AKAP13: variants seen among roughly 807,000 people sequenced by gnomAD.
The protein encoded by AKAP13 is A-kinase anchoring protein 13, also known as A-kinase anchor protein 13.
A neutral mutation model predicts 264.5 loss-of-function variants in AKAP13; 80 were observed. The ratio of observed to expected loss-of-function variants is 0.30; its 90% CI spans 0.25 to 0.36. The LOEUF (loss-of-function observed/expected upper bound fraction) is 0.36. Among genes scored for constraint, AKAP13 ranks in the 10% least tolerant of loss-of-function variants. AKAP13 has a pLI of 1.00. For synonymous variants in AKAP13, 1,380 were observed against 1,250.2 expected (o/e 1.10, Z -2.19); for missense variants, 3,712 against 3,435.2 (o/e 1.08, Z -2.01).
rs2079131026 is a variant in AKAP13, at chr15:85,580,733, A to G, written c.2665A>G (p.Asn889Asp). 5 of 1,614,194 alleles carry G rather than the reference A, an allele frequency of 3.1e-6. No homozygotes were observed. Among genetic ancestry groups the G allele is most frequent in the Non-Finnish European group, 4.2e-6 (5 of 1,180,024 alleles). The change falls in exon 7 of 37, where the codon AAC becomes GAC. Residue 889 changes from asparagine (N) to aspartate (D), a missense_variant. By Grantham distance (23) the Asn-to-Asp change is conservative (BLOSUM62 1). Around this residue, in one of 3 missense-constraint regions of AKAP13, gnomAD observed 2,759 missense variants for 2,411.7 expected, o/e 1.14. Coordinates refer to ENST00000394518, the MANE Select transcript of AKAP13 (RefSeq NM_007200.5). ...CCCAGAAGCTCTGAATATCAAGGGG[A>G]ACACTGACTCTTCCCTGCAAAGTGT... ...AIPEALNIKG[N>D]TDSSLQSVGK... is the part of the protein sequence containing the mutation.
At chr15:85,535,858 G>A (rs1203725884) in intron 4 of AKAP13, 1 of 148,536 alleles carries the variant, frequency 6.7e-6, no homozygotes, top group East Asian at 2.0e-4. Context: ...GGAGTGCAAT[G>A]GTGCAATCTC....
chr15:85,604,081 T>C (rs976003529), intron 8 of AKAP13, among the ~76,000 whole-genome samples: 10 of 152,178 alleles, frequency 6.6e-5, no homozygotes, highest in Non-Finnish European at 2.9e-5. Context: ...GATATCTAGT[T>C]AGTTGACAGT....
rs542536634 is a variant in AKAP13 at position 85,424,650 on chromosome 15, C to G, written c.-12+43852C>G. Among the ~76,000 whole-genome samples the G allele has an allele frequency of 7.2e-5, 11 of 152,300 alleles. No individual in the cohort carries two copies. The South Asian group carries it at 1.9e-3, about 26-fold the overall frequency. ...TCACTGGAATAACACTTGTAATTTC[C>G]CGCAAGAACTGTTCCTTTGCATTCA... On this transcript the variant is annotated intron_variant, in intron 1 of 36. Transcript: ENST00000394518.
chr15:85,657,710 CTTTTT>C (rs11332236), intron 11 of AKAP13, among the ~76,000 whole-genome samples: 1 of 127,554 alleles, frequency 7.8e-6, no homozygotes, highest in African/African-American at 2.8e-5. Context: ...GTGGTGTACT[CTTTTT>C]TTTTTTTTTT....
chr15:85,650,770 A>AAAC (rs2082778385), intron 10 of AKAP13, among the ~76,000 whole-genome samples: 1 of 139,926 alleles, frequency 7.1e-6, no homozygotes, highest in African/African-American at 2.7e-5. Flanking sequence ...AAAAAAAAAA[A>AAAC]AAAAAAAAAA....
In AKAP13 at chr15:85,724,954, C is replaced by T. The variant is rs979426878; in HGVS notation, c.6746-1456C>T. On this transcript the variant is annotated intron_variant, in intron 26 of 36. Transcript: ENST00000394518. The surrounding 1 kb of genome is among the most constrained non-coding windows in gnomAD (Gnocchi z 4.2). Reference sequence around the variant, plus strand: ...CTCCTTCCCTCCAGTCTTAATATTCCATGATGTTCTGAGAGCCCTAGCTCT... The same window carrying T: ...CTCCTTCCCTCCAGTCTTAATATTCTATGATGTTCTGAGAGCCCTAGCTCT... Among the ~76,000 whole-genome samples the T allele has an allele frequency of 1.3e-5, 2 of 152,146 alleles. No individual in the cohort carries two copies. Among genetic ancestry groups the T allele is most frequent in the Non-Finnish European group, 2.9e-5 (2 of 68,034 alleles).
chr15:85,612,676 G>A (rs990016931), intron 8 of AKAP13, among the ~76,000 whole-genome samples: 43 of 152,032 alleles, frequency 2.8e-4, no homozygotes, highest in African/African-American at 1.0e-3. Flanking sequence ...ACAAGAATTA[G>A]CTGGGTAGTA....
At chr15:85,666,047 G>A (rs571530627) in intron 13 of AKAP13, among the ~76,000 whole-genome samples, 12 of 152,304 alleles carry the variant, frequency 7.9e-5, no homozygotes, top group African/African-American at 2.9e-4. Flanking sequence ...ACCCAGTAAT[G>A]GGATCGTTGG....
chr15:85,598,000 A>G (rs999178972), intron 8 of AKAP13, among the ~76,000 whole-genome samples: 7 of 152,074 alleles, frequency 4.6e-5, no homozygotes, highest in South Asian at 2.1e-4. Flanking sequence ...TCCCCTTTCC[A>G]ATATTCTTTA....
chr15:85,662,391 G>A, intron 12 of AKAP13: 1 of 1,614,100 alleles, frequency 6.2e-7, no homozygotes, highest in African/African-American at 1.3e-5. Flanking sequence ...TCCCCAGTAT[G>A]AGCTGGTGCC....
At chr15:85,501,653 A>G (rs929918899) in intron 2 of AKAP13, among the ~76,000 whole-genome samples, 1 of 152,222 alleles carries the variant, frequency 6.6e-6, no homozygotes, top group Non-Finnish European at 1.5e-5. Flanking sequence ...CTCATGAGAT[A>G]ACTATTTTTT....
intron 22 of AKAP13, 29 bp from the exon 23 acceptor site, chr15:85,719,047 C>T (rs755280375): frequency 6.2e-7 from 1 of 1,610,866 alleles, no homozygotes; most frequent in South Asian, 1.1e-5. Flanking sequence ...AAGAGTGTTC[C>T]TGACACTTGA....
chr15:85,446,710 C>CTTTTTTTTTTTTTTTTTT (rs67306030), intron 1 of AKAP13, among the ~76,000 whole-genome samples: 1 of 124,426 alleles, frequency 8.0e-6, no homozygotes, highest in Non-Finnish European at 1.7e-5. Context: ...TTTTCTTTTT[C>CTTTTTTTTTTTTTTTTTT]TTTTTTTTTT....
At chr15:85,691,441 C>G (rs2085281352) in intron 16 of AKAP13, among the ~76,000 whole-genome samples, 1 of 152,208 alleles carries the variant, frequency 6.6e-6, no homozygotes, top group African/African-American at 2.4e-5. Flanking sequence ...GGACCCACCA[C>G]TCATCAGTAG....
chr15:85,666,498 A>G (rs2083609741), intron 13 of AKAP13, among the ~76,000 whole-genome samples: 1 of 152,106 alleles, frequency 6.6e-6, no homozygotes, highest in African/African-American at 2.4e-5. Flanking sequence ...GCCTACCAGA[A>G]TTCTTAAGAG....
At chr15:85,540,093 C>A (rs931174767) in intron 4 of AKAP13, among the ~76,000 whole-genome samples, 2 of 152,058 alleles carry the variant, frequency 1.3e-5, no homozygotes, top group Non-Finnish European at 2.9e-5. Context: ...GGAATGGCGC[C>A]TTTGATTGTG....
rs370138875 is a variant in AKAP13, at chr15:85,732,364, T to C, written c.7282+1657T>C. ...ACAGTCTGGGTACTGGGAGTGGTCA[T>C]TGCTGCTAGGTTGATTGTTACTAGG... On this transcript the variant is annotated intron_variant, in intron 30 of 36. Coordinates refer to ENST00000394518, the MANE Select transcript of AKAP13 (RefSeq NM_007200.5). Among the ~76,000 whole-genome samples the C allele has an allele frequency of 2.1e-4, 32 of 151,940 alleles. No individual in the cohort carries two copies. The East Asian group carries it at 4.8e-3, about 23-fold the overall frequency.
At chr15:85,488,441 A>G (rs1467424589) in intron 2 of AKAP13, among the ~76,000 whole-genome samples, 1 of 152,208 alleles carries the variant, frequency 6.6e-6, no homozygotes, top group African/African-American at 2.4e-5. Flanking sequence ...GAACAGTTGT[A>G]AATAAGTAGT....
intron 5 of AKAP13, among the ~76,000 whole-genome samples, chr15:85,567,079 A>C (rs1321559215): frequency 6.6e-6 from 1 of 152,046 alleles, no homozygotes; most frequent in Non-Finnish European, 1.5e-5. Context: ...TAACTTTTAA[A>C]ATATTTGTAT....
Sources: allele counts gnomAD v4.1 joint callset (sites outside exome capture counted in the v4.1 genomes callset), GRCh38; gene constraint gnomAD v4.1.1; regional missense constraint gnomAD v4.1.1; non-coding constraint Gnocchi (gnomAD v3.1); transcripts MANE v1.5; gene names NCBI Gene and HGNC (gene_info 2026-07-23, HGNC 2026-07-21).